The following LRRC69 variants were observed in gnomAD, a reference collection of about 807,000 sequenced individuals.
LRRC69 encodes leucine rich repeat containing 69.
In LRRC69, 42 loss-of-function variants were observed where a neutral mutation model predicts 37.8. The ratio of observed to expected loss-of-function variants is 1.11; its 90% CI spans 0.87 to 1.44. LRRC69 has a LOEUF of 1.44. Ranked by LOEUF, LRRC69 falls within the 40% of genes most tolerant of loss-of-function variation. LRRC69 has a pLI of 0.00. For missense variants in LRRC69, 357 were observed against 401.9 expected, an observed-to-expected ratio of 0.89 and a Z score of 0.96; for synonymous variants, 141 against 143.1, an observed-to-expected ratio of 0.99 and a Z score of 0.11.
chr8:91,122,139 A>T (rs1813634957), intron 1 of LRRC69, among the ~76,000 whole-genome samples: 2 of 152,092 alleles, frequency 1.3e-5, no homozygotes, highest in South Asian at 4.1e-4. Flanking sequence ...TCAGAAATAC[A>T]CAGAAGAGCA....
intron 1 of LRRC69, among the ~76,000 whole-genome samples, chr8:91,110,288 T>C (rs921572025): frequency 6.6e-6 from 1 of 152,092 alleles, no homozygotes; most frequent in African/African-American, 2.4e-5. Context: ...TGATTTAGTT[T>C]AGGAAGACAG....
chr8:91,149,399 A>T (rs1186517472), intron 5 of LRRC69, among the ~76,000 whole-genome samples: 1 of 151,832 alleles, frequency 6.6e-6, no homozygotes, highest in Non-Finnish European at 1.5e-5. Context: ...GGTTGTACAT[A>T]TGCGGCATTA....
intron 7 of LRRC69, among the ~76,000 whole-genome samples, chr8:91,210,769 G>T (rs1316451916): frequency 6.6e-6 from 1 of 151,936 alleles, no homozygotes; most frequent in East Asian, 1.9e-4. Flanking sequence ...ATATAGCATG[G>T]ATTAAAAACA....
chr8:91,141,050 G>A (rs926918101), intron 5 of LRRC69, among the ~76,000 whole-genome samples: 3 of 151,934 alleles, frequency 2.0e-5, no homozygotes, highest in Non-Finnish European at 4.4e-5. Flanking sequence ...AATTAGAATT[G>A]GATTTTGAAT....
At chr8:91,165,061 G>T (rs1809004758) in intron 5 of LRRC69, among the ~76,000 whole-genome samples, 2 of 151,598 alleles carry the variant, frequency 1.3e-5, no homozygotes, top group East Asian at 1.9e-4. Context: ...AGATGGGAAG[G>T]TTGGTGAATA....
intron 6 of LRRC69, among the ~76,000 whole-genome samples, chr8:91,191,041 A>AACCCCCCC (rs1809484739): frequency 1.7e-5 from 2 of 114,422 alleles, no homozygotes; most frequent in Non-Finnish European, 1.8e-5. Flanking sequence ...CCTGTCTCAA[A>AACCCCCCC]CCCCCCCCCC....
intron 6 of LRRC69, among the ~76,000 whole-genome samples, chr8:91,199,904 A>G (rs1481908977): frequency 2.0e-5 from 3 of 152,034 alleles, no homozygotes; most frequent in Non-Finnish European, 2.9e-5. Flanking sequence ...TCCTCCCTTT[A>G]TTATTTAGTA....
chr8:91,165,665 T>TA (rs1809015001), intron 5 of LRRC69, among the ~76,000 whole-genome samples: 1 of 151,772 alleles, frequency 6.6e-6, no homozygotes, highest in South Asian at 2.1e-4. Context: ...ACAACTCTAA[T>TA]AAAGACATGC....
intron 5 of LRRC69, among the ~76,000 whole-genome samples, chr8:91,162,825 TC>T (rs1196778991): frequency 6.6e-6 from 1 of 151,362 alleles, no homozygotes; most frequent in Non-Finnish European, 1.5e-5. Context: ...TTCTTTTGTC[TC>T]CCTGTGTTTA....
intron 1 of LRRC69, among the ~76,000 whole-genome samples, chr8:91,105,837 A>G (rs1179418949): frequency 6.6e-6 from 1 of 151,976 alleles, no homozygotes; most frequent in Non-Finnish European, 1.5e-5. Context: ...TATTTAATCC[A>G]CAAATAAGCA....
intron 5 of LRRC69, 130 bp from the exon 6 acceptor site, chr8:91,189,392 C>T (rs1809455209): frequency 1.6e-6 from 1 of 630,454 alleles, no homozygotes; most frequent in Admixed American, 2.9e-5. Context: ...GGACTTAAAT[C>T]CACATTAGTA....
intron 4 of LRRC69, among the ~76,000 whole-genome samples, chr8:91,135,101 A>C (rs755638492): frequency 1.1e-4 from 16 of 152,046 alleles, no homozygotes; most frequent in Non-Finnish European, 2.1e-4. Context: ...ATAACATGAG[A>C]TACTGAAGGA....
intron 5 of LRRC69, among the ~76,000 whole-genome samples, chr8:91,156,659 AT>A (rs1808841399): frequency 6.6e-6 from 1 of 150,704 alleles, no homozygotes; most frequent in African/African-American, 2.4e-5. Context: ...TATTCTTTCT[AT>A]TTTGATTTTG....
At chr8:91,119,112 T>G (rs1239227503) in intron 1 of LRRC69, among the ~76,000 whole-genome samples, 2 of 152,252 alleles carry the variant, frequency 1.3e-5, no homozygotes, top group African/African-American at 4.8e-5. Flanking sequence ...TCTTGTTCAC[T>G]CTTCCTCTAG....
At chr8:91,153,714 A>G (rs1409729072) in intron 5 of LRRC69, among the ~76,000 whole-genome samples, 1 of 151,952 alleles carries the variant, frequency 6.6e-6, no homozygotes, top group African/African-American at 2.4e-5. Flanking sequence ...CAGCTAAAGC[A>G]GTGATAAGAG....
At chr8:91,183,174 T>C (rs535754676) in intron 5 of LRRC69, among the ~76,000 whole-genome samples, 4 of 152,290 alleles carry the variant, frequency 2.6e-5, no homozygotes, top group Admixed American at 2.6e-4. Context: ...TTTTGAACTT[T>C]AAGGACAATG....
At chr8:91,149,513 T>G (rs994965459) in intron 5 of LRRC69, among the ~76,000 whole-genome samples, 9 of 152,004 alleles carry the variant, frequency 5.9e-5, no homozygotes, top group Admixed American at 1.3e-4. Flanking sequence ...TGAAGTCAGG[T>G]AGCGTGATGC....
At chr8:91,183,369 G>A (rs1809354529) in intron 5 of LRRC69, among the ~76,000 whole-genome samples, 2 of 152,194 alleles carry the variant, frequency 1.3e-5, no homozygotes, top group Non-Finnish European at 2.9e-5. Context: ...GGCAGGAAAG[G>A]TGGAAAGACC....
chr8:91,215,188 C>T (rs1586296088), intron 7 of LRRC69, among the ~76,000 whole-genome samples: 1 of 152,174 alleles, frequency 6.6e-6, no homozygotes, highest in Middle Eastern at 3.4e-3. Flanking sequence ...CATGCATATT[C>T]ATGAATTTCA....
Sources: allele counts gnomAD v4.1 joint callset (sites outside exome capture counted in the v4.1 genomes callset), GRCh38; gene constraint gnomAD v4.1.1; transcripts MANE v1.5; gene names NCBI Gene and HGNC (gene_info 2026-07-23, HGNC 2026-07-21).